The following STK35 variants were observed in gnomAD, a reference collection of about 807,000 sequenced individuals.
The protein encoded by STK35 is serine/threonine-protein kinase 35.
A neutral mutation model predicts 37.3 loss-of-function variants in STK35; 17 were observed. The ratio of observed to expected loss-of-function variants is 0.46; its 90% CI spans 0.31 to 0.68. STK35 has a LOEUF of 0.68. Among genes scored for constraint, STK35 ranks in the 30% least tolerant of loss-of-function variants. The pLI is 0.05. For synonymous variants in STK35, 385 were observed against 319.1 expected (o/e 1.21, Z -2.20); for missense variants, 595 against 746.7 (o/e 0.80, Z 2.37).
chr20:2,103,006 C>A lies in STK35; in HGVS notation c.533C>A (p.Ala178Asp). The A allele has an allele frequency of 7.0e-7, 1 of 1,420,078 alleles. No individual in the cohort carries two copies. Among genetic ancestry groups the A allele is most frequent in the South Asian group, 1.5e-5 (1 of 66,910 alleles). 88.0% of individuals were successfully genotyped at this position (1,420,078 alleles called of 1,614,324 possible). Residue 178 changes from alanine (A) to aspartate (D), a missense_variant, in exon 2 of 4, where the codon GCC becomes GAC. Ala to Asp is a moderately radical substitution (Grantham distance 126). Coordinates refer to ENST00000381482, the MANE Select transcript of STK35 (RefSeq NM_080836.4). ...AAARAMDPVAAEAPGEAFLAR... is the reference protein window; with the variant it reads ...AAARAMDPVADEAPGEAFLAR... ...GCCCGGGCCATGGATCCGGTGGCGGCCGAGGCCCCGGGCGAGGCCTTCCTG... is the reference window on the plus strand; with the variant it reads ...GCCCGGGCCATGGATCCGGTGGCGGACGAGGCCCCGGGCGAGGCCTTCCTG...
chr20:2,103,835 C>T (rs1269654658), intron 2 of STK35, among the ~76,000 whole-genome samples: 1 of 152,170 alleles, frequency 6.6e-6, no homozygotes, highest in Non-Finnish European at 1.5e-5. Flanking sequence ...TTTCCTGACA[C>T]CCTCCAGCTC....
intron 2 of STK35, 35 bp downstream of exon 2, chr20:2,103,400 G>T (rs780434458): frequency 3.8e-6 from 6 of 1,582,440 alleles, no homozygotes; most frequent in Admixed American, 3.5e-5. Flanking sequence ...CCCACGCAGG[G>T]CCTGGACCCC....
chr20:2,142,117 C>T (rs916592563), intron 3 of STK35, among the ~76,000 whole-genome samples: 1 of 152,146 alleles, frequency 6.6e-6, no homozygotes, highest in African/African-American at 2.4e-5. Flanking sequence ...TCAGTGGTTG[C>T]GTGGCTGAGA....
At position 2,117,442 on chromosome 20, in the gene STK35, GT is replaced by G; in HGVS notation, c.*37+33del. 5 of 1,388,090 alleles carry G rather than the reference GT, an allele frequency of 3.6e-6. No individual in the cohort carries two copies. The highest frequency in any genetic ancestry group is 4.9e-6 in the Non-Finnish European group (5 of 1,017,470). 86.0% of individuals were successfully genotyped at this position (1,388,090 alleles called of 1,614,324 possible). A position where few individuals can be genotyped will look rare whatever the true frequency, so the allele number is the denominator to read the frequency against. On this transcript the variant is annotated intron_variant, in intron 3 of 3. Transcript: ENST00000381482. This position sits in a 1 kb window ranked among gnomAD's most constrained non-coding sequence, Gnocchi z 4.4. ...TGAGTGCTCTCTGTTGTTGTTTTTT[GT>G]TTTTTGTTTTGAGACAGGGTCTCAC...
intron 3 of STK35, among the ~76,000 whole-genome samples, chr20:2,135,316 G>C (rs979900696): frequency 1.3e-5 from 2 of 152,212 alleles, no homozygotes; most frequent in Non-Finnish European, 2.9e-5. Context: ...GTGGCAGGGG[G>C]TGGCTAGGTA....
chr20:2,105,706 C>CA (rs1985501612), intron 2 of STK35, among the ~76,000 whole-genome samples: 1 of 115,722 alleles, frequency 8.6e-6, no homozygotes, highest in Admixed American at 9.7e-5. Context: ...AATTCACTGC[C>CA]TTATATAAGT....
At chr20:2,138,072 T>C (rs116209141) in intron 3 of STK35, among the ~76,000 whole-genome samples, 1 of 152,290 alleles carries the variant, frequency 6.6e-6, no homozygotes, top group African/African-American at 2.4e-5. Context: ...CATATTCAGT[T>C]TGCACGGCAG....
chr20:2,110,323 C>T (rs940650409), intron 2 of STK35, among the ~76,000 whole-genome samples: 2 of 152,172 alleles, frequency 1.3e-5, no homozygotes, highest in African/African-American at 4.8e-5. Flanking sequence ...AATATTCTGC[C>T]CTTTTCCCCC....
At chr20:2,134,672 C>T (rs1170117771) in intron 3 of STK35, among the ~76,000 whole-genome samples, 7 of 152,098 alleles carry the variant, frequency 4.6e-5, no homozygotes, top group Non-Finnish European at 8.8e-5. Context: ...TGGCAAATCA[C>T]CTGAGGTAAG....
chr20:2,143,163 C>T (rs1986198543), intron 3 of STK35, among the ~76,000 whole-genome samples: 1 of 152,194 alleles, frequency 6.6e-6, no homozygotes, highest in Admixed American at 6.5e-5. Context: ...CTCCAGAGCC[C>T]TCGTTCTTAA....
chr20:2,102,619 C>T, intron 1 of STK35, 149 bp from the exon 2 acceptor site: 1 of 678,012 alleles, frequency 1.5e-6, no homozygotes, highest in Non-Finnish European at 2.2e-6. Context: ...TCCCGCTTTC[C>T]CCTCCCCTCC....
At chr20:2,129,657 A>AGACGTGTCATACCAGT (rs758586422) in intron 3 of STK35, among the ~76,000 whole-genome samples, 67 of 152,294 alleles carry the variant, frequency 4.4e-4, no homozygotes, top group Admixed American at 1.2e-3. Context: ...TGAGTTTGAG[A>AGACGTGTCATACCAGT]GACGTGTCAT....
chr20:2,118,577 G>A (rs948297955), intron 3 of STK35, among the ~76,000 whole-genome samples: 26 of 136,474 alleles, frequency 1.9e-4, no homozygotes, highest in African/African-American at 5.7e-4. Context: ...GCGAGACTCC[G>A]TCTCAAAAAA....
chr20:2,102,021 C>T lies in STK35; in HGVS notation c.140C>T (p.Ala47Val). Reference protein sequence around the residue: ...SLGAQASPASAAAAEGSATRR... With the variant: ...SLGAQASPASVAAAEGSATRR... The stretch of plus-strand genomic sequence containing the variant: ...GGAGCCCAGGCTTCCCCAGCGAGCG[C>T]CGCGGCAGCAGAAGGATCCGCTACA... Residue 47 changes from alanine (A) to valine (V), a missense_variant, in exon 1 of 4, where the codon GCC becomes GTC. Physicochemically the swap from Ala to Val is moderately conservative, Grantham distance 64 (BLOSUM62 0). Around this residue, in one of 3 missense-constraint regions of STK35, gnomAD observed 389 missense variants for 320.0 expected, o/e 1.22. Coordinates refer to ENST00000381482, the MANE Select transcript of STK35 (RefSeq NM_080836.4). 1.3e-6 allele frequency: 2 copies of T among 1,527,660 alleles called. No homozygotes were observed. The highest frequency in any genetic ancestry group is 1.2e-5 in the South Asian group (1 of 83,254). The allele number at this position is 1,527,660 out of a possible 1,614,324, so 94.6% of individuals were successfully genotyped here.
rs571869514 is a variant in STK35 at position 2,115,589 on chromosome 20, A to C, written c.893-1077A>C. On this transcript the variant is annotated intron_variant, in intron 2 of 3. Coordinates refer to ENST00000381482, the MANE Select transcript of STK35 (RefSeq NM_080836.4). ...TAGTCATCACATAACATCCACATAA[A>C]GATTCACTGGACTGTCAGTTGCTTT... 5.9e-5 allele frequency among the ~76,000 whole-genome samples: 9 copies of C among 152,272 alleles called. No individual in the cohort carries two copies. In the South Asian group the frequency reaches 1.9e-3, roughly 32 times the overall value.
intron 1 of STK35, 63 bp from the exon 2 acceptor site, chr20:2,102,705 G>A (rs888986918): frequency 2.3e-6 from 3 of 1,300,302 alleles, no homozygotes; most frequent in South Asian, 4.0e-5. Flanking sequence ...GGGACGCCCC[G>A]CGGCCTACGC....
intron 3 of STK35, among the ~76,000 whole-genome samples, chr20:2,142,338 C>G (rs536336397): frequency 6.6e-6 from 1 of 152,312 alleles, no homozygotes; most frequent in East Asian, 1.9e-4. Flanking sequence ...ATCCTGCTGC[C>G]TCTTGGGAGG....
chr20:2,130,690 A>G (rs995634536), intron 3 of STK35, among the ~76,000 whole-genome samples: 3 of 152,154 alleles, frequency 2.0e-5, no homozygotes, highest in Non-Finnish European at 4.4e-5. Context: ...AATACTTTCT[A>G]TTTTGGGTTA....
Position 2,102,167 on chromosome 20 carries a change from G to A in STK35, c.286G>A (p.Ala96Thr). 4 of 1,388,528 alleles carry A rather than the reference G, an allele frequency of 2.9e-6. No homozygotes were observed. The highest frequency in any genetic ancestry group is 3.7e-6 in the Non-Finnish European group (4 of 1,072,438). The allele number at this position is 1,388,528 out of a possible 1,614,324, so 86.0% of individuals were successfully genotyped here. The change falls in exon 1 of 4, where the codon GCG (alanine) becomes ACG (threonine). Residue 96 changes from alanine to threonine, a missense_variant. Around this residue, in one of 3 missense-constraint regions of STK35, gnomAD observed 389 missense variants for 320.0 expected, o/e 1.22. Transcript: ENST00000381482. Reference sequence around the variant, plus strand: ...ACGGGCCGCCCGGAAGTGGAGGTGCGCGGGCCAGGTAAGGGCGCCGTTGGA... The same window carrying A: ...ACGGGCCGCCCGGAAGTGGAGGTGCACGGGCCAGGTAAGGGCGCCGTTGGA... ...GKRAARKWRC[A>T]GQVTIQGPAP...
Sources: gnomAD v4.1 joint callset for allele counts (sites outside exome capture counted in the v4.1 genomes callset) on GRCh38, gnomAD v4.1.1 for gene constraint, gnomAD v4.1.1 regional missense constraint, Gnocchi (gnomAD v3.1) non-coding constraint, MANE v1.5 for transcripts, NCBI Gene and HGNC (gene_info 2026-07-23, HGNC 2026-07-21) for gene names.